Variants in SBF2 observed in about 807,000 individuals in gnomAD.
SBF2 encodes the protein SET binding factor 2, also known as myotubularin-related protein 13.
Under a neutral mutation model 225.2 loss-of-function variants are expected in SBF2, and 112 were observed. That is an observed-to-expected ratio of 0.50 (90% CI 0.43 to 0.58). SBF2 has a LOEUF of 0.58. Ranked by LOEUF, SBF2 falls within the 20% of genes least tolerant of loss-of-function variation. SBF2 has a pLI of 0.00. For synonymous variants in SBF2, 763 were observed against 773.3 expected (o/e 0.99, Z 0.22); for missense variants, 1,996 against 2,206.2 (o/e 0.90, Z 1.91).
chr11:9,846,119 A>G (rs745389), intron 23 of SBF2, among the ~76,000 whole-genome samples: 125,326 of 152,184 alleles, frequency 0.82, 52,584 homozygotes, highest in Middle Eastern at 0.88. Context: ...AAAGAAATCC[A>G]TTTGACTAGA....
intron 2 of SBF2, among the ~76,000 whole-genome samples, chr11:10,080,246 C>T (rs1403030165): frequency 2.7e-5 from 2 of 73,640 alleles, no homozygotes; most frequent in Non-Finnish European, 2.7e-5. Flanking sequence ...GAAACTCTGT[C>T]TCAAAAAAAA....
intron 2 of SBF2, among the ~76,000 whole-genome samples, chr11:10,113,273 C>A (rs538239993): frequency 6.6e-6 from 1 of 152,160 alleles, no homozygotes; most frequent in Non-Finnish European, 1.5e-5. Flanking sequence ...GGATTACAGG[C>A]GTGAGCCACC....
intron 17 of SBF2, among the ~76,000 whole-genome samples, chr11:9,890,021 G>A (rs1174808894): frequency 1.3e-5 from 2 of 151,862 alleles, no homozygotes; most frequent in African/African-American, 4.8e-5. Flanking sequence ...CTTCTGTCTC[G>A]GCCTCCCAAG....
At chr11:9,894,134 C>T (rs1861052192) in intron 17 of SBF2, among the ~76,000 whole-genome samples, 1 of 152,044 alleles carries the variant, frequency 6.6e-6, no homozygotes, top group Non-Finnish European at 1.5e-5. Flanking sequence ...GTAATTGCAG[C>T]ACTTTGGGAG....
At chr11:10,231,144 G>A (rs185958435) in intron 1 of SBF2, among the ~76,000 whole-genome samples, 7 of 152,234 alleles carry the variant, frequency 4.6e-5, no homozygotes, top group African/African-American at 1.2e-4. Context: ...TTCTCATGCC[G>A]TGGATTTCAG....
rs985961883 is a variant in SBF2, at chr11:10,177,747, T to C, written c.141+16155A>G. Among the ~76,000 whole-genome samples the C allele has an allele frequency of 9.9e-4, 150 of 150,800 alleles. 1 individual carries two copies. Among genetic ancestry groups the C allele is most frequent in the African/African-American group, 3.4e-3 (137 of 40,512 alleles). On this transcript the variant is annotated intron_variant, in intron 2 of 39. Transcript: ENST00000256190. ...GCTCATGGGTAGGAAGAATCAATAT[T>C]GTGAAAATGGCCATACTGCCCAAGG...
At chr11:10,059,881 G>A (rs543683192) in intron 2 of SBF2, among the ~76,000 whole-genome samples, 6 of 152,146 alleles carry the variant, frequency 3.9e-5, no homozygotes, top group Admixed American at 3.9e-4. Flanking sequence ...AGCTAAAGCA[G>A]TGTTAAGAGA....
At chr11:9,785,343 GGAAACCTTTACA>G (rs1302076350) in intron 36 of SBF2, 25 bp from the exon 37 acceptor site, 4 of 1,600,748 alleles carry the variant, frequency 2.5e-6, no homozygotes, top group Non-Finnish European at 3.4e-6. Context: ...ACAGGAGCTA[GGAAACCTTTACA>G]GACACTTAAA....
Position 9,785,246 on chromosome 11 carries a change from G to A in SBF2, c.5110C>T (p.Leu1704=). The A allele has an allele frequency of 6.2e-7, 1 of 1,614,140 alleles. No homozygotes were observed. Among genetic ancestry groups the A allele is most frequent in the Non-Finnish European group, 8.5e-7 (1 of 1,179,978 alleles). The change falls in exon 37 of 40, where the codon CTA becomes TTA. Residue 1704 remains leucine, a synonymous_variant. Coordinates refer to ENST00000256190, the MANE Select transcript of SBF2 (RefSeq NM_030962.4). The part of the protein sequence containing the change: ...NLPSYQKRSL[L]HLPDSSMGEE... ...CCCATGCTGCTGTCTGGGAGATGTAGCAGAGACCTCTTCTGATAGGAAGGT... is the reference window on the plus strand; with the variant it reads ...CCCATGCTGCTGTCTGGGAGATGTAACAGAGACCTCTTCTGATAGGAAGGT...
chr11:10,253,427 A>AT (rs1960563866), intron 1 of SBF2, among the ~76,000 whole-genome samples: 1 of 152,172 alleles, frequency 6.6e-6, no homozygotes, highest in Non-Finnish European at 1.5e-5. Flanking sequence ...CTGTCTGCAC[A>AT]TTAGTACTCT....
intron 2 of SBF2, among the ~76,000 whole-genome samples, chr11:10,047,151 T>C (rs986049649): frequency 2.0e-5 from 3 of 152,174 alleles, no homozygotes; most frequent in African/African-American, 7.2e-5. Context: ...AGAGATTCTA[T>C]GTTCATGGAT....
At chr11:10,116,047 T>C (rs1413299088) in intron 2 of SBF2, among the ~76,000 whole-genome samples, 2 of 152,030 alleles carry the variant, frequency 1.3e-5, no homozygotes, top group Non-Finnish European at 2.9e-5. Context: ...TGGGCGCCTG[T>C]AGTCCCAGCT....
intron 6 of SBF2, among the ~76,000 whole-genome samples, chr11:10,007,996 T>G (rs540607420): frequency 1.3e-5 from 2 of 152,282 alleles, no homozygotes; most frequent in Admixed American, 6.5e-5. Context: ...CTAGGGCAAA[T>G]TCTGTCTAAG....
intron 1 of SBF2, among the ~76,000 whole-genome samples, chr11:10,229,088 T>A (rs918662396): frequency 6.6e-6 from 1 of 152,198 alleles, no homozygotes; most frequent in Admixed American, 6.5e-5. Flanking sequence ...TTCTAGATTT[T>A]CTAGTTTATT....
intron 2 of SBF2, among the ~76,000 whole-genome samples, chr11:10,044,085 TAGAAA>T (rs1268532370): frequency 2.0e-5 from 3 of 151,916 alleles, no homozygotes; most frequent in East Asian, 3.8e-4. Context: ...CTTTGGAAAC[TAGAAA>T]AGAAGAGCAA....
chr11:10,185,704 T>A (rs1017360947), intron 2 of SBF2, among the ~76,000 whole-genome samples: 1 of 151,936 alleles, frequency 6.6e-6, no homozygotes, highest in Non-Finnish European at 1.5e-5. Context: ...TAATAATTGG[T>A]GATGTTAGCA....
chr11:10,165,417 A>G (rs1955907865), intron 2 of SBF2, among the ~76,000 whole-genome samples: 1 of 152,226 alleles, frequency 6.6e-6, no homozygotes, highest in Non-Finnish European at 1.5e-5. Context: ...CCTAAAAATG[A>G]CTGCCAGAAT....
chr11:9,831,065 C>T (rs1393137889), intron 27 of SBF2, among the ~76,000 whole-genome samples: 3 of 152,094 alleles, frequency 2.0e-5, no homozygotes, highest in East Asian at 3.9e-4. Context: ...GTGGTGCAAT[C>T]GTGGCTCACT....
intron 2 of SBF2, among the ~76,000 whole-genome samples, chr11:10,108,650 G>A (rs1265322289): frequency 1.9e-4 from 28 of 146,638 alleles, no homozygotes; most frequent in Admixed American, 3.5e-4. Context: ...TCAGCCTCCC[G>A]AGTAGCTGGG....
Sources: gnomAD v4.1 joint callset for allele counts (sites outside exome capture counted in the v4.1 genomes callset) on GRCh38, gnomAD v4.1.1 for gene constraint, MANE v1.5 for transcripts, NCBI Gene and HGNC (gene_info 2026-07-23, HGNC 2026-07-21) for gene names.